The following LHFPL3 variants were observed in gnomAD, a reference collection of about 807,000 sequenced individuals.
LHFPL3 encodes LHFPL tetraspan subfamily member 3, also known as LHFPL tetraspan subfamily member 3 protein.
Under a neutral mutation model 19.3 loss-of-function variants are expected in LHFPL3, and 5 were observed. The observed-to-expected ratio is 0.26, with a 90% confidence interval of 0.14 to 0.54. The LOEUF is 0.54. Among genes scored for constraint, LHFPL3 ranks in the 20% least tolerant of loss-of-function variants. The pLI is 0.94. For synonymous variants in LHFPL3, 133 were observed against 126.2 expected, an observed-to-expected ratio of 1.05 and a Z score of -0.36; for missense variants, 249 against 307.4, an observed-to-expected ratio of 0.81 and a Z score of 1.42.
At chr7:104,650,897 T>C (rs1016394030) in intron 1 of LHFPL3, among the ~76,000 whole-genome samples, 3 of 152,202 alleles carry the variant, frequency 2.0e-5, no homozygotes, top group African/African-American at 7.2e-5. Flanking sequence ...GAATGATTCA[T>C]GTTGTCAAAG....
chr7:104,342,784 C>T (rs1226793352), intron 1 of LHFPL3, among the ~76,000 whole-genome samples: 1 of 152,186 alleles, frequency 6.6e-6, no homozygotes, highest in Non-Finnish European at 1.5e-5. Flanking sequence ...CCAGTACCCA[C>T]TAAAGTGTCT....
intron 2 of LHFPL3, among the ~76,000 whole-genome samples, chr7:104,904,230 T>C (rs929905420): frequency 3.3e-5 from 5 of 152,174 alleles, no homozygotes; most frequent in African/African-American, 1.2e-4. Context: ...ATAATGTGGA[T>C]ACGATTTTTT....
At chr7:104,641,449 C>A (rs1449998948) in intron 1 of LHFPL3, among the ~76,000 whole-genome samples, 1 of 152,128 alleles carries the variant, frequency 6.6e-6, no homozygotes, top group African/African-American at 2.4e-5. Context: ...AGGATCTGAC[C>A]GATTGCTTGT....
intron 1 of LHFPL3, among the ~76,000 whole-genome samples, chr7:104,451,307 T>A (rs563604382): frequency 1.2e-4 from 19 of 152,206 alleles, no homozygotes; most frequent in Non-Finnish European, 2.4e-4. Flanking sequence ...GAAAGTAAGC[T>A]TGGCTGCCAT....
At chr7:104,731,802 A>G (rs987537338) in intron 1 of LHFPL3, among the ~76,000 whole-genome samples, 37 of 151,824 alleles carry the variant, frequency 2.4e-4, no homozygotes, top group South Asian at 1.0e-3. Context: ...GTCTTGTGCC[A>G]GTTTTCAAAG....
chr7:104,807,011 A>G (rs71558697), intron 2 of LHFPL3, among the ~76,000 whole-genome samples: 1,439 of 139,696 alleles, frequency 0.01, 16 homozygotes, highest in Non-Finnish European at 0.015. Flanking sequence ...CAAAATATAT[A>G]TGTGTGTGTG....
intron 1 of LHFPL3, among the ~76,000 whole-genome samples, chr7:104,418,496 C>T (rs1196221567): frequency 2.6e-5 from 4 of 152,154 alleles, no homozygotes; most frequent in African/African-American, 7.2e-5. Context: ...TGCACCACTG[C>T]ACTCCAGCCT....
chr7:104,818,959 T>A (rs1790623216), intron 2 of LHFPL3, among the ~76,000 whole-genome samples: 2 of 152,198 alleles, frequency 1.3e-5, no homozygotes, highest in Non-Finnish European at 2.9e-5. Context: ...CGTCTGTCTG[T>A]TACACAGAAG....
intron 1 of LHFPL3, among the ~76,000 whole-genome samples, chr7:104,531,150 G>T (rs183328909): frequency 2.0e-5 from 3 of 152,264 alleles, no homozygotes; most frequent in Non-Finnish European, 4.4e-5. Context: ...ATTTTTTAAT[G>T]ACAATTATTG....
intron 1 of LHFPL3, among the ~76,000 whole-genome samples, chr7:104,646,413 C>G (rs1035984044): frequency 6.6e-6 from 1 of 152,162 alleles, no homozygotes; most frequent in Non-Finnish European, 1.5e-5. Flanking sequence ...AAAAATAGCA[C>G]TCCAAGTATG....
chr7:104,371,502 A>G (rs2116431616), intron 1 of LHFPL3, among the ~76,000 whole-genome samples: 1 of 152,246 alleles, frequency 6.6e-6, no homozygotes, highest in South Asian at 2.1e-4. Context: ...TACTTTTTAG[A>G]TTGCTTTCTA....
intron 1 of LHFPL3, among the ~76,000 whole-genome samples, chr7:104,634,237 C>T (rs1791694062): frequency 6.6e-6 from 1 of 152,096 alleles, no homozygotes; most frequent in African/African-American, 2.4e-5. Flanking sequence ...GCTTAAACAA[C>T]AGAAATTTAT....
At chr7:104,605,516 A>G (rs1791077254) in intron 1 of LHFPL3, among the ~76,000 whole-genome samples, 1 of 152,214 alleles carries the variant, frequency 6.6e-6, no homozygotes, top group South Asian at 2.1e-4. Context: ...TCACAGAATA[A>G]TTAATGAAAA....
At chr7:104,677,877 A>G (rs1466283711) in intron 1 of LHFPL3, among the ~76,000 whole-genome samples, 11 of 152,352 alleles carry the variant, frequency 7.2e-5, no homozygotes, top group African/African-American at 2.6e-4. Context: ...ACATGGGGAA[A>G]CTGAGTTTTA....
intron 2 of LHFPL3, among the ~76,000 whole-genome samples, chr7:104,766,455 T>C (rs1794460768): frequency 6.6e-6 from 1 of 152,244 alleles, no homozygotes; most frequent in African/African-American, 2.4e-5. Flanking sequence ...TTTCTAATGA[T>C]CTTAACTTTA....
At chr7:104,666,675 C>A (rs1374118086) in intron 1 of LHFPL3, among the ~76,000 whole-genome samples, 5 of 149,950 alleles carry the variant, frequency 3.3e-5, no homozygotes, top group Admixed American at 1.3e-4. Flanking sequence ...GCGCCCGCCA[C>A]TACGCCCGGC....
At chr7:104,699,783 C>T (rs1202556689) in intron 1 of LHFPL3, among the ~76,000 whole-genome samples, 1 of 152,240 alleles carries the variant, frequency 6.6e-6, no homozygotes, top group Non-Finnish European at 1.5e-5. Flanking sequence ...TAGTTATCCT[C>T]ATAGCTTTGG....
At chr7:104,621,273 T>A (rs1194054945) in intron 1 of LHFPL3, among the ~76,000 whole-genome samples, 2 of 152,210 alleles carry the variant, frequency 1.3e-5, no homozygotes, top group African/African-American at 4.8e-5. Flanking sequence ...CTTTATGGAT[T>A]AGTATAGAAA....
chr7:104,755,680 GTTTGTTTC>G (rs1213269434), intron 2 of LHFPL3, among the ~76,000 whole-genome samples: 3 of 151,772 alleles, frequency 2.0e-5, no homozygotes, highest in Non-Finnish European at 4.4e-5. Flanking sequence ...TTTGTTTGTT[GTTTGTTTC>G]TTTGTTTGTT....
Sources: gnomAD v4.1 joint callset for allele counts (sites outside exome capture counted in the v4.1 genomes callset) on GRCh38, gnomAD v4.1.1 for gene constraint, MANE v1.5 for transcripts, NCBI Gene and HGNC (gene_info 2026-07-23, HGNC 2026-07-21) for gene names.